MYBPC1: variants seen among roughly 807,000 people sequenced by gnomAD.
MYBPC1 encodes myosin-binding protein C, slow-type.
Under a neutral mutation model 147.1 loss-of-function variants are expected in MYBPC1, and 52 were observed. The observed-to-expected ratio is 0.35, with a 90% CI of 0.28 to 0.45. The LOEUF is 0.45. MYBPC1 is among the 20% of genes least tolerant of loss of function. The pLI is 1.00. For missense variants in MYBPC1, 1,228 were observed against 1,440.3 expected (o/e 0.85, Z 2.39); for synonymous variants, 477 against 475.9 (o/e 1.00, Z -0.03).
intron 14 of MYBPC1, among the ~76,000 whole-genome samples, chr12:101,648,972 GAGCCTACA>G (rs989033278): frequency 6.6e-6 from 1 of 152,164 alleles, no homozygotes; most frequent in Admixed American, 6.5e-5. Context: ...TGTGCTTCAA[GAGCCTACA>G]TGGGGGTAAT....
chr12:101,626,088 C>CAAAAAAAAAAAAAAA (rs769008600), intron 3 of MYBPC1, among the ~76,000 whole-genome samples: 6 of 55,056 alleles, frequency 1.1e-4, no homozygotes, highest in East Asian at 9.0e-4. Context: ...AACTCTGTCT[C>CAAAAAAAAAAAAAAA]AAAAAAAAAA....
chr12:101,651,881 C>G (rs574962215), intron 16 of MYBPC1, among the ~76,000 whole-genome samples: 8 of 152,270 alleles, frequency 5.3e-5, no homozygotes, highest in Admixed American at 5.2e-4. Context: ...TTGAAGTGAG[C>G]TGAGATCACA....
chr12:101,657,737 G>T (rs898145651), intron 18 of MYBPC1, among the ~76,000 whole-genome samples: 1 of 152,010 alleles, frequency 6.6e-6, no homozygotes, highest in Non-Finnish European at 1.5e-5. Context: ...GGCCCCAATG[G>T]GTTTGTTGGT....
chr12:101,654,999 A>G (rs1055444754), intron 18 of MYBPC1, among the ~76,000 whole-genome samples: 3 of 152,256 alleles, frequency 2.0e-5, no homozygotes, highest in Non-Finnish European at 2.9e-5. Context: ...CCAACATGAC[A>G]AAATTAGCAA....
Position 101,682,778 on chromosome 12 carries a change from AG to A in MYBPC1, c.3492+117del, listed in dbSNP as rs139454660. 576 of 968,686 alleles carry A rather than the reference AG, an allele frequency of 5.9e-4. 1 individual carries two copies. The African/African-American group carries it at 8.8e-3, about 15-fold the overall frequency. 60.0% of individuals were successfully genotyped at this position (968,686 alleles called of 1,614,324 possible). A position where few individuals can be genotyped will look rare whatever the true frequency, so the allele number is the denominator to read the frequency against. On this transcript the variant is annotated intron_variant, in intron 30 of 31. Transcript: ENST00000361466. ...TCATTTGCTTTTAATTGTACCCCTT[AG>A]CAGCTCATGGCATACAGTGCTTATG...
intron 24 of MYBPC1, 85 bp from the exon 25 acceptor site, chr12:101,673,342 A>G: frequency 7.0e-7 from 1 of 1,418,692 alleles, no homozygotes; most frequent in Non-Finnish European, 9.9e-7. Flanking sequence ...AGAATGGGTT[A>G]AGCCACTGTC....
chr12:101,627,533 G>A (rs572441210), intron 4 of MYBPC1, among the ~76,000 whole-genome samples: 14 of 152,108 alleles, frequency 9.2e-5, no homozygotes, highest in South Asian at 6.2e-4. Flanking sequence ...ATGAACCACC[G>A]CCCCCAGCTG....
In MYBPC1 at chr12:101,678,338, C is replaced by T. The variant is rs184844664; in HGVS notation, c.3246+100C>T. The T allele has an allele frequency of 4.8e-4, 732 of 1,517,692 alleles. 1 individual carries two copies. The highest frequency in any genetic ancestry group is 1.3e-3 in the Admixed American group (79 of 59,798). The allele number at this position is 1,517,692 out of a possible 1,614,324, so 94.0% of individuals were successfully genotyped here. On this transcript the variant is annotated intron_variant, in intron 28 of 31. Coordinates refer to ENST00000361466, the MANE Select transcript of MYBPC1 (RefSeq NM_002465.4). ...AAACAAATCCAGCTGCTACTTGTGT[C>T]TTCCCAGGATGGGGGATTAGAAGGT...
Position 101,611,438 on chromosome 12 carries a change from A to G in MYBPC1, c.26-3058A>G, listed in dbSNP as rs566915091. ...TTTACGTATTTGATTAGAATTCACC[A>G]TTGGCCTTAGTTGGATTTTAAGCAA... On this transcript the variant is annotated intron_variant, in intron 1 of 31. Coordinates refer to ENST00000361466, the MANE Select transcript of MYBPC1 (RefSeq NM_002465.4). Among the ~76,000 whole-genome samples, 612 of 152,362 alleles carry G rather than the reference A, an allele frequency of 4.0e-3. 1 individual carries two copies. The highest frequency in any genetic ancestry group is 6.8e-3 in the Non-Finnish European group (464 of 68,032).
At chr12:101,599,360 T>C (rs1343420857) in intron 1 of MYBPC1, among the ~76,000 whole-genome samples, 1 of 152,176 alleles carries the variant, frequency 6.6e-6, no homozygotes, top group Non-Finnish European at 1.5e-5. Flanking sequence ...TTCTGTATCT[T>C]TTTTTTCTTG....
At chr12:101,618,304 T>C (rs188120409) in intron 3 of MYBPC1, among the ~76,000 whole-genome samples, 1 of 152,338 alleles carries the variant, frequency 6.6e-6, no homozygotes, top group East Asian at 1.9e-4. Flanking sequence ...ATACTCACTT[T>C]GTCCTTGACC....
Position 101,681,465 on chromosome 12 carries a change from T to A in MYBPC1, c.3433+936T>A, listed in dbSNP as rs963471968. Among the ~76,000 whole-genome samples the A allele has an allele frequency of 4.1e-5, 6 of 147,680 alleles. No individual in the cohort carries two copies. The East Asian group carries it at 7.9e-4, about 19-fold the overall frequency. ...ATCTATTTTAGAAAATCATAGTAAA[T>A]GCTTGGGTATTTATGTTTTTTAAAA... On this transcript the variant is annotated intron_variant, in intron 29 of 31. Transcript: ENST00000361466.
In MYBPC1 at chr12:101,685,979, C is replaced by A; in HGVS notation, c.*417C>A. 2 of 184,732 alleles carry A rather than the reference C, an allele frequency of 1.1e-5. No individual in the cohort carries two copies. The highest frequency in any genetic ancestry group is 2.2e-5 in the Non-Finnish European group (2 of 90,340). 11.4% of individuals were successfully genotyped at this position (184,732 alleles called of 1,614,324 possible). On this transcript the variant is annotated 3_prime_UTR_variant, in exon 32 of 32. Transcript: ENST00000361466. Reference sequence around the variant, plus strand: ...CAGTTATTTTTGTTTACATAGTAGGCTATAAATGCTTTTTTTTTCCTCTCA... The same window carrying A: ...CAGTTATTTTTGTTTACATAGTAGGATATAAATGCTTTTTTTTTCCTCTCA...
chr12:101,636,960 T>C, intron 10 of MYBPC1: 1 of 321,040 alleles, frequency 3.1e-6, no homozygotes, highest in Non-Finnish European at 5.4e-6. Context: ...TTCATGACTC[T>C]TCACCTATTT....
chr12:101,631,701 C>T lies in MYBPC1; in HGVS notation c.420C>T (p.Thr140=), dbSNP rs140667525. 2.7e-3 allele frequency: 4,344 copies of T among 1,614,170 alleles called. 13 individuals carry two copies. The highest frequency in any genetic ancestry group is 3.4e-3 in the Non-Finnish European group (4,061 of 1,180,046). The change falls in exon 7 of 32, where the codon ACC becomes ACT. Residue 140 remains threonine (T), a synonymous_variant. Transcript: ENST00000361466. ...GGAAGCACCTTCAGCTGAAGGAAAC[C>T]TTTGAGAGGCACAGTCGGGTAAGGC... ...KAGKHLQLKE[T]FERHSRVYTF...
chr12:101,685,545 GT>G, intron 31 of MYBPC1, 36 bp from the exon 32 acceptor site: 1 of 1,401,160 alleles, frequency 7.1e-7, no homozygotes, highest in Non-Finnish European at 9.8e-7. Flanking sequence ...CAGGTAGATG[GT>G]TTTGATTTGT....
At chr12:101,638,826 T>G (rs993789305) in intron 10 of MYBPC1, among the ~76,000 whole-genome samples, 2 of 152,208 alleles carry the variant, frequency 1.3e-5, no homozygotes, top group African/African-American at 4.8e-5. Flanking sequence ...ATCCCCTGCT[T>G]AAGATTTGCA....
intron 15 of MYBPC1, among the ~76,000 whole-genome samples, chr12:101,650,518 A>G (rs1894217638): frequency 1.3e-5 from 2 of 152,182 alleles, no homozygotes; most frequent in South Asian, 4.1e-4. Flanking sequence ...TCCCTTATAA[A>G]ACTGTCAGAT....
rs779666238 is a variant in MYBPC1 at position 101,659,813 on chromosome 12, A to G, written c.1909A>G (p.Ile637Val). 82 of 1,614,030 alleles carry G rather than the reference A, an allele frequency of 5.1e-5. No individual in the cohort carries two copies. The highest frequency in any genetic ancestry group is 6.4e-5 in the Non-Finnish European group (75 of 1,180,000). Residue 637 changes from isoleucine to valine, a missense_variant, in exon 19 of 32, where the codon ATC (isoleucine) becomes GTC (valine). Ile to Val is a conservative substitution (Grantham distance 29). This residue lies in a region of MYBPC1 where 1,077 missense variants were observed against 1,314.2 expected (regional missense o/e 0.82). Coordinates refer to ENST00000361466, the MANE Select transcript of MYBPC1 (RefSeq NM_002465.4). ...KNEAGEAHAS[I>V]KVKVVDFPDP... ...CGAAGCTGGAGAGGCACATGCAAGC[A>G]TCAAGGTTAAAGTTGTGGGTAAGTC...
Sources: gnomAD v4.1 joint callset for allele counts (sites outside exome capture counted in the v4.1 genomes callset) on GRCh38, gnomAD v4.1.1 for gene constraint, gnomAD v4.1.1 regional missense constraint, MANE v1.5 for transcripts, NCBI Gene and HGNC (gene_info 2026-07-23, HGNC 2026-07-21) for gene names.